OR1C1: variants seen among roughly 807,000 people sequenced by gnomAD.
OR1C1 encodes the protein olfactory receptor family 1 subfamily C member 1, also known as olfactory receptor 1C1.
For missense variants in OR1C1, 407 were observed against 384.3 expected, an observed-to-expected ratio of 1.06 and a Z score of -0.49; for synonymous variants, 153 against 154.6, an observed-to-expected ratio of 0.99 and a Z score of 0.08.
In OR1C1 at chr1:247,757,665, C is replaced by A; in HGVS notation, c.742G>T (p.Val248Leu). Residue 248 changes from valine (V) to leucine (L), a missense_variant, in exon 2 of 2, where the codon GTG becomes TTG. By Grantham distance (32) the Val-to-Leu change is conservative. Transcript: ENST00000641256. Reference sequence around the variant, plus strand: ...ATGGCTGTGCCGTAAAACAACACCACCACTGACAGGTGGCAGCTGCAGGTG... The same window carrying A: ...ATGGCTGTGCCGTAAAACAACACCAACACTGACAGGTGGCAGCTGCAGGTG... ...VSTCSCHLSV[V>L]VLFYGTAIAV... 6.2e-7 allele frequency: 1 copy of A among 1,614,064 alleles called. No individual in the cohort carries two copies. Among genetic ancestry groups the A allele is most frequent in the Non-Finnish European group, 8.5e-7 (1 of 1,180,002 alleles).
chr1:247,760,145 A>G (rs920565412), intron 1 of OR1C1, among the ~76,000 whole-genome samples: 7 of 152,210 alleles, frequency 4.6e-5, no homozygotes, highest in African/African-American at 1.7e-4. Flanking sequence ...GTGCTTATGG[A>G]AACAACAAAT....
chr1:247,755,142 A>G lies in OR1C1; in HGVS notation c.*2320T>C, dbSNP rs1661187413. Reference sequence around the variant, plus strand: ...ATGAATGGAATTGGACCCTTATCTGACACCATATACAAAAATCAACACAAA... The same window carrying G: ...ATGAATGGAATTGGACCCTTATCTGGCACCATATACAAAAATCAACACAAA... On this transcript the variant is annotated 3_prime_UTR_variant, in exon 2 of 2. Coordinates refer to ENST00000641256, the MANE Select transcript of OR1C1 (RefSeq NM_012353.3). 6.6e-6 allele frequency: 1 copy of G among 152,136 alleles called. No individual in the cohort carries two copies. Among genetic ancestry groups the G allele is most frequent in the South Asian group, 2.1e-4 (1 of 4,836 alleles). 9.4% of individuals were successfully genotyped at this position (152,136 alleles called of 1,614,324 possible).
In OR1C1 at chr1:247,757,664, A is replaced by G; in HGVS notation, c.743T>C (p.Val248Ala). 6.2e-7 allele frequency: 1 copy of G among 1,613,924 alleles called. No homozygotes were observed. The highest frequency in any genetic ancestry group is 2.2e-5 in the East Asian group (1 of 44,874). The change falls in exon 2 of 2, where the codon GTG becomes GCG. Residue 248 changes from valine to alanine, a missense_variant. Physicochemically the swap from Val to Ala is moderately conservative, Grantham distance 64. Transcript: ENST00000641256. ...GATGGCTGTGCCGTAAAACAACACC[A>G]CCACTGACAGGTGGCAGCTGCAGGT... ...VSTCSCHLSVVVLFYGTAIAV... is the reference protein window; with the variant it reads ...VSTCSCHLSVAVLFYGTAIAV...
rs1661196497 is a variant in OR1C1 at position 247,755,562 on chromosome 1, T to C, written c.*1900A>G. 6.6e-6 allele frequency: 1 copy of C among 152,074 alleles called. No individual in the cohort carries two copies. The highest frequency in any genetic ancestry group is 1.5e-5 in the Non-Finnish European group (1 of 68,006). The allele number at this position is 152,074 out of a possible 1,614,324, so 9.4% of individuals were successfully genotyped here. A position where few individuals can be genotyped will look rare whatever the true frequency, so the allele number is the denominator to read the frequency against. On this transcript the variant is annotated 3_prime_UTR_variant, in exon 2 of 2. Coordinates refer to ENST00000641256, the MANE Select transcript of OR1C1 (RefSeq NM_012353.3). Reference sequence around the variant, plus strand: ...ATTGCCAACAGATATGAAAAAATGCTCAAAATCGTTATTCATAAGGGAAAT... The same window carrying C: ...ATTGCCAACAGATATGAAAAAATGCCCAAAATCGTTATTCATAAGGGAAAT...
chr1:247,755,739 A>T lies in OR1C1; in HGVS notation c.*1723T>A, dbSNP rs922501898. ...TAGATTAGTATAGCCCTTATGGAAAACAGTATGACGTTTACTCAAAAAATT... is the reference window on the plus strand; with the variant it reads ...TAGATTAGTATAGCCCTTATGGAAATCAGTATGACGTTTACTCAAAAAATT... On this transcript the variant is annotated 3_prime_UTR_variant, in exon 2 of 2. Transcript: ENST00000641256. The T allele has an allele frequency of 6.6e-6, 1 of 152,192 alleles. No individual in the cohort carries two copies. The highest frequency in any genetic ancestry group is 2.4e-5 in the African/African-American group (1 of 41,442). 9.4% of individuals were successfully genotyped at this position (152,192 alleles called of 1,614,324 possible).
At position 247,758,382 on chromosome 1, in the gene OR1C1, C is replaced by T. The variant is rs1342354023; in HGVS notation, c.25G>A (p.Val9Ile). The change falls in exon 2 of 2, where the codon GTC becomes ATC. Residue 9 changes from valine to isoleucine, a missense_variant. By Grantham distance (29) the Val-to-Ile change is conservative. Coordinates refer to ENST00000641256, the MANE Select transcript of OR1C1 (RefSeq NM_012353.3). MEKRNLTV[V>I]REFVLLGLPS... ...AGTCCCAGAAGGACGAATTCCCTGA[C>T]AACTGTTAGATTTCTTTTTTCCATA... The T allele has an allele frequency of 1.2e-6, 2 of 1,609,352 alleles. No individual in the cohort carries two copies. Among genetic ancestry groups the T allele is most frequent in the African/African-American group, 1.3e-5 (1 of 74,770 alleles).
At position 247,758,419 on chromosome 1, in the gene OR1C1, T is replaced by A; in HGVS notation, c.-13A>T. The A allele has an allele frequency of 6.7e-7, 1 of 1,483,296 alleles. No homozygotes were observed. The highest frequency in any genetic ancestry group is 1.8e-5 in the Admixed American group (1 of 55,494). 91.9% of individuals were successfully genotyped at this position (1,483,296 alleles called of 1,614,324 possible). A position where few individuals can be genotyped will look rare whatever the true frequency, so the allele number is the denominator to read the frequency against. On this transcript the variant is annotated splice_region_variant and 5_prime_UTR_variant, in exon 2 of 2. Coordinates refer to ENST00000641256, the MANE Select transcript of OR1C1 (RefSeq NM_012353.3). ...TTCTTTTTTCCATATTCCCAACAAA[T>A]CTAGAAAAATAAGTTATTAAATTGT... is the stretch of plus-strand genomic sequence containing the variant.
chr1:247,759,609 A>G (rs1296595166), intron 1 of OR1C1, among the ~76,000 whole-genome samples: 1 of 152,210 alleles, frequency 6.6e-6, no homozygotes, highest in East Asian at 1.9e-4. Context: ...AAGGATCCTA[A>G]TGAAAATAAC....
chr1:247,758,348 G>C lies in OR1C1; in HGVS notation c.59C>G (p.Ser20Ter). Residue 20 changes from serine to a stop codon, truncating the protein, a stop_gained, in exon 2 of 2, where the codon TCA (serine) becomes TGA (stop). Coordinates refer to ENST00000641256, the MANE Select transcript of OR1C1 (RefSeq NM_012353.3). LOFTEE classifies it low-confidence loss of function (END_TRUNC). ...AGACAGGAGGTGCTGCTGCTCTGCT[G>C]AGCTAGGAAGTCCCAGAAGGACGAA... ...REFVLLGLPSSAEQQHLLSVL... is the reference protein window; with the variant it reads ...REFVLLGLPS 1 of 1,613,698 alleles carries C rather than the reference G, an allele frequency of 6.2e-7. No individual in the cohort carries two copies.
At chr1:247,759,489 G>A (rs1661292322) in intron 1 of OR1C1, among the ~76,000 whole-genome samples, 1 of 152,126 alleles carries the variant, frequency 6.6e-6, no homozygotes, top group African/African-American at 2.4e-5. Context: ...TCAAGTAAAG[G>A]ACATGTTGTA....
Position 247,755,007 on chromosome 1 carries a change from T to G in OR1C1, c.*2455A>C, listed in dbSNP as rs957272778. 1.3e-5 allele frequency: 2 copies of G among 152,116 alleles called. No homozygotes were observed. Among genetic ancestry groups the G allele is most frequent in the African/African-American group, 4.8e-5 (2 of 41,426 alleles). The allele number at this position is 152,116 out of a possible 1,614,324, so 9.4% of individuals were successfully genotyped here. ...TAAAAATAGACACATAGAAATAAAT[T>G]GATACATTCATGGTCAATTGATCTT... On this transcript the variant is annotated 3_prime_UTR_variant, in exon 2 of 2. Transcript: ENST00000641256.
chr1:247,757,981 G>A lies in OR1C1; in HGVS notation c.426C>T (p.Val142=). ...CAAGCCACAGTCCAGCCACTAGCTG[G>A]ACACAAAGGCACAGGTTCATTCTGG... ...YTARMNLCLC[V]QLVAGLWLVT... Residue 142 remains valine, a synonymous_variant, in exon 2 of 2, where the codon GTC becomes GTT. Transcript: ENST00000641256. The A allele has an allele frequency of 3.7e-6, 6 of 1,614,082 alleles. No individual in the cohort carries two copies. Among genetic ancestry groups the A allele is most frequent in the Non-Finnish European group, 5.1e-6 (6 of 1,180,014 alleles).
intron 1 of OR1C1, 67 bp from the exon 2 acceptor site, chr1:247,758,486 C>CTGTG (rs1558318307): frequency 2.8e-6 from 2 of 714,408 alleles, no homozygotes; most frequent in East Asian, 2.9e-5. Context: ...GAGAGAGAGA[C>CTGTG]AGTGTGTGTG....
At position 247,758,426 on chromosome 1, in the gene OR1C1, A is replaced by T; in HGVS notation, c.-13-7T>A. 6.9e-7 allele frequency: 1 copy of T among 1,440,456 alleles called. No homozygotes were observed. Among genetic ancestry groups the T allele is most frequent in the South Asian group, 1.2e-5 (1 of 83,842 alleles). 89.2% of individuals were successfully genotyped at this position (1,440,456 alleles called of 1,614,324 possible). ...TTCCATATTCCCAACAAATCTAGAA[A>T]AATAAGTTATTAAATTGTAAAAGCC... On this transcript the variant is annotated splice_polypyrimidine_tract_variant and splice_region_variant and intron_variant, in intron 1 of 1. Coordinates refer to ENST00000641256, the MANE Select transcript of OR1C1 (RefSeq NM_012353.3).
Position 247,757,540 on chromosome 1 carries a change from G to T in OR1C1, c.867C>A (p.Ile289=), listed in dbSNP as rs1661231718. Residue 289 remains isoleucine, a synonymous_variant, in exon 2 of 2, where the codon ATC becomes ATA. Transcript: ENST00000641256. ...TCATATCCCTGTTCCTTAGGGTATA[G>T]ATGAAAGGATTCAGCATCGGAGCCA... ...SMVAPMLNPF[I]YTLRNRDMKR... is the part of the protein sequence containing the mutation. The T allele has an allele frequency of 6.2e-7, 1 of 1,614,018 alleles. No individual in the cohort carries two copies. The highest frequency in any genetic ancestry group is 8.5e-7 in the Non-Finnish European group (1 of 1,180,000).
At position 247,758,443 on chromosome 1, in the gene OR1C1, G is replaced by T. The variant is rs74666869; in HGVS notation, c.-13-24C>A. On this transcript the variant is annotated intron_variant, in intron 1 of 1. Coordinates refer to ENST00000641256, the MANE Select transcript of OR1C1 (RefSeq NM_012353.3). ...ATCTAGAAAAATAAGTTATTAAATT[G>T]TAAAAGCCAGCAGTGTTAAGTCTCT... 4,490 of 1,251,236 alleles carry T rather than the reference G, an allele frequency of 3.6e-3. 18 individuals are homozygous for T. Among genetic ancestry groups the T allele is most frequent in the Non-Finnish European group, 4.5e-3 (3,941 of 878,470 alleles). 77.5% of individuals were successfully genotyped at this position (1,251,236 alleles called of 1,614,324 possible). A position where few individuals can be genotyped will look rare whatever the true frequency, so the allele number is the denominator to read the frequency against.
In OR1C1 at chr1:247,757,558, C is replaced by A. The variant is rs185251055; in HGVS notation, c.849G>T (p.Pro283=). 3 of 1,613,908 alleles carry A rather than the reference C, an allele frequency of 1.9e-6. No homozygotes were observed. In the African/African-American group the frequency reaches 4.0e-5, roughly 22 times the overall value. Residue 283 remains proline, a synonymous_variant, in exon 2 of 2, where the codon CCG becomes CCT. Coordinates refer to ENST00000641256, the MANE Select transcript of OR1C1 (RefSeq NM_012353.3). The part of the protein sequence containing the change: ...LSTIMYSMVA[P]MLNPFIYTLR... ...GGGTATAGATGAAAGGATTCAGCAT[C>A]GGAGCCACCATTGAATACATGATGG...
Position 247,758,049 on chromosome 1 carries a change from A to T in OR1C1, c.358T>A (p.Tyr120Asn), listed in dbSNP as rs752181385. The T allele has an allele frequency of 6.2e-7, 1 of 1,614,100 alleles. No individual in the cohort carries two copies. The highest frequency in any genetic ancestry group is 1.1e-5 in the South Asian group (1 of 91,078). Residue 120 changes from tyrosine to asparagine, a missense_variant, in exon 2 of 2, where the codon TAT (tyrosine) becomes AAT (asparagine). Transcript: ENST00000641256. The part of the protein sequence containing the change: ...MDSLLLCVMA[Y>N]DRYVAICHPL... ...TGGCAAATCGCCACATATCTATCAT[A>T]CGCCATCACACACAGAAGGAGGCTG... is the stretch of plus-strand genomic sequence containing the variant.
rs1461461720 is a variant in OR1C1 at position 247,756,084 on chromosome 1, AC to A, written c.*1377del. The A allele has an allele frequency of 6.6e-6, 1 of 152,192 alleles. No individual in the cohort carries two copies. Among genetic ancestry groups the A allele is most frequent in the Non-Finnish European group, 1.5e-5 (1 of 68,026 alleles). The allele number at this position is 152,192 out of a possible 1,614,324, so 9.4% of individuals were successfully genotyped here. On this transcript the variant is annotated 3_prime_UTR_variant, in exon 2 of 2. Coordinates refer to ENST00000641256, the MANE Select transcript of OR1C1 (RefSeq NM_012353.3). The surrounding 1 kb of genome is among the most constrained non-coding windows in gnomAD (Gnocchi z 4.3). ...TAAAACTGAAGTTACAATTTACTTC[AC>A]CAATGCTTTTATTTATTTATTTATA...
Sources: allele counts gnomAD v4.1 joint callset (sites outside exome capture counted in the v4.1 genomes callset), GRCh38; gene constraint gnomAD v4.1.1; non-coding constraint Gnocchi (gnomAD v3.1); transcripts MANE v1.5; gene names NCBI Gene and HGNC (gene_info 2026-07-23, HGNC 2026-07-21).